CIP2A: variants seen among roughly 807,000 people sequenced by gnomAD.
CIP2A encodes cellular inhibitor of PP2A, also known as protein CIP2A.
A neutral mutation model predicts 110.9 loss-of-function variants in CIP2A; 103 were observed. The ratio of observed to expected loss-of-function variants is 0.93; its 90% CI spans 0.79 to 1.09. The LOEUF (loss-of-function observed/expected upper bound fraction) is 1.09. Among genes scored for constraint, CIP2A ranks in the 50% least tolerant of loss-of-function variants. CIP2A has a pLI of 0.00. For missense variants in CIP2A, 1,088 were observed against 1,038.4 expected, an observed-to-expected ratio of 1.05 and a Z score of -0.66; for synonymous variants, 381 against 361.6, an observed-to-expected ratio of 1.05 and a Z score of -0.61.
rs1330351108 is a variant in CIP2A, at chr3:108,563,109, A to G, written c.1634+17T>C. On this transcript the variant is annotated intron_variant, in intron 13 of 20. Transcript: ENST00000295746. ...TCCAACACCACAAGAGATACACTGCAAATGATTACAACTCACACTAAAGCA... is the reference window on the plus strand; with the variant it reads ...TCCAACACCACAAGAGATACACTGCGAATGATTACAACTCACACTAAAGCA... 2.7e-6 allele frequency: 4 copies of G among 1,499,186 alleles called. No homozygotes were observed. Among genetic ancestry groups the G allele is most frequent in the Non-Finnish European group, 3.7e-6 (4 of 1,075,596 alleles). The allele number at this position is 1,499,186 out of a possible 1,614,324, so 92.9% of individuals were successfully genotyped here. A position where few individuals can be genotyped will look rare whatever the true frequency, so the allele number is the denominator to read the frequency against.
intron 1 of CIP2A, among the ~76,000 whole-genome samples, chr3:108,587,785 TTTTTG>T (rs1464746508): frequency 1.6e-4 from 25 of 152,270 alleles, no homozygotes; most frequent in Admixed American, 3.9e-4. Context: ...TCTCTCTTTT[TTTTTG>T]TTTTGTTTTT....
In CIP2A at chr3:108,569,419, TAA is replaced by T; in HGVS notation, c.1081_1082del (p.Leu361SerfsTer10). The part of the protein sequence containing the change: ...PLDGSENCSV[L>X]ALELFKEIFE... ...ATATTTCCTTGAACAACTCCAATGC[TAA>T]AACAGAACAGTTTTCTGATCCGTCC... is the stretch of plus-strand genomic sequence containing the variant. On this transcript the variant is annotated frameshift_variant, in exon 9 of 21. Coordinates refer to ENST00000295746, the MANE Select transcript of CIP2A (RefSeq NM_020890.3). LOFTEE classifies it high-confidence loss of function. 6.2e-7 allele frequency: 1 copy of T among 1,612,458 alleles called. No individual in the cohort carries two copies. Among genetic ancestry groups the T allele is most frequent in the Admixed American group, 1.7e-5 (1 of 59,790 alleles).
intron 14 of CIP2A, 100 bp from the exon 15 acceptor site, chr3:108,560,128 G>T: frequency 1.5e-6 from 1 of 662,734 alleles, no homozygotes; most frequent in African/African-American, 1.9e-5. Flanking sequence ...AAAACTTAAT[G>T]ATGAGTAACA....
At chr3:108,571,795 G>A (rs943651871) in intron 8 of CIP2A, among the ~76,000 whole-genome samples, 46 of 152,056 alleles carry the variant, frequency 3.0e-4, no homozygotes, top group Admixed American at 2.9e-3. Context: ...TTTCTGGGTC[G>A]TAGTTTATAC....
chr3:108,559,464 A>G (rs1013710036), intron 16 of CIP2A, among the ~76,000 whole-genome samples: 6 of 152,154 alleles, frequency 3.9e-5, no homozygotes, highest in Non-Finnish European at 4.4e-5. Flanking sequence ...GTAACCATTG[A>G]AACCACAGAA....
At position 108,551,172 on chromosome 3, in the gene CIP2A, C is replaced by G; in HGVS notation, c.2695G>C (p.Glu899Gln). ...HSLSGGKINP[E>Q]TVNLSI ...GTCTATATACTGAGATTCACAGTTTCTGGATTTATTTTTCCACCACTTAAA... is the reference window on the plus strand; with the variant it reads ...GTCTATATACTGAGATTCACAGTTTGTGGATTTATTTTTCCACCACTTAAA... Residue 899 changes from glutamate to glutamine, a missense_variant, in exon 21 of 21, where the codon GAA becomes CAA. Coordinates refer to ENST00000295746, the MANE Select transcript of CIP2A (RefSeq NM_020890.3). 1 of 1,521,474 alleles carries G rather than the reference C, an allele frequency of 6.6e-7. No individual in the cohort carries two copies. 94.2% of individuals were successfully genotyped at this position (1,521,474 alleles called of 1,614,324 possible). A position where few individuals can be genotyped will look rare whatever the true frequency, so the allele number is the denominator to read the frequency against.
intron 8 of CIP2A, chr3:108,575,138 C>CT (rs1367896151): frequency 6.6e-6 from 1 of 151,980 alleles, no homozygotes; most frequent in Non-Finnish European, 1.5e-5. Flanking sequence ...AAGAATCAAT[C>CT]TAACAATCTA....
chr3:108,573,422 C>T (rs559806557), intron 8 of CIP2A, among the ~76,000 whole-genome samples: 2 of 151,712 alleles, frequency 1.3e-5, no homozygotes, highest in South Asian at 4.2e-4. Flanking sequence ...TTATTTTTTA[C>T]TTTAAAAAAT....
rs964478441 is a variant in CIP2A, at chr3:108,579,705, T to G, written c.550-17A>C. ...CACATTACTCTGAGGAAAAAAAAGTTAAAAAATAAATTAGAATTATAAATT... is the reference window on the plus strand; with the variant it reads ...CACATTACTCTGAGGAAAAAAAAGTGAAAAAATAAATTAGAATTATAAATT... On this transcript the variant is annotated splice_polypyrimidine_tract_variant and intron_variant, in intron 5 of 20. Transcript: ENST00000295746. The G allele has an allele frequency of 1.5e-5, 22 of 1,475,532 alleles. No homozygotes were observed. Among genetic ancestry groups the G allele is most frequent in the Non-Finnish European group, 2.0e-5 (22 of 1,097,886 alleles). The allele number at this position is 1,475,532 out of a possible 1,614,324, so 91.4% of individuals were successfully genotyped here.
chr3:108,579,785 A>G, intron 5 of CIP2A, 97 bp from the exon 6 acceptor site: 1 of 575,320 alleles, frequency 1.7e-6, no homozygotes, highest in Non-Finnish European at 2.8e-6. Flanking sequence ...CTTTTATTAA[A>G]CATCATTATC....
intron 5 of CIP2A, 146 bp downstream of exon 5, chr3:108,581,269 A>C: frequency 1.6e-6 from 1 of 613,840 alleles, no homozygotes. Flanking sequence ...TTTGTATGTC[A>C]ATCTGACTCT....
rs759156161 is a variant in CIP2A at position 108,585,084 on chromosome 3, G to C, written c.231C>G (p.Ile77Met). 3 of 1,611,562 alleles carry C rather than the reference G, an allele frequency of 1.9e-6. No homozygotes were observed. The highest frequency in any genetic ancestry group is 8.5e-7 in the Non-Finnish European group (1 of 1,178,988). ...CATTACCTAGTTGAGACAGCAAACCGATAATACTTAAGATCAGTGAAGCAC... is the reference window on the plus strand; with the variant it reads ...CATTACCTAGTTGAGACAGCAAACCCATAATACTTAAGATCAGTGAAGCAC... ...NISASLILSI[I>M]GLLSQLAVDI... Residue 77 changes from isoleucine (I) to methionine (M), a missense_variant, in exon 2 of 21, where the codon ATC becomes ATG. Physicochemically the swap from Ile to Met is conservative, Grantham distance 10. Coordinates refer to ENST00000295746, the MANE Select transcript of CIP2A (RefSeq NM_020890.3).
intron 9 of CIP2A, among the ~76,000 whole-genome samples, chr3:108,569,179 T>TATATATATATATATATATAC (rs1271625941): frequency 1.4e-5 from 1 of 72,084 alleles, no homozygotes; most frequent in African/African-American, 4.1e-5. Context: ...TATATATATA[T>TATATATATATATATATATAC]ATACATACAC....
intron 10 of CIP2A, 41 bp downstream of exon 10, chr3:108,568,114 G>A: frequency 1.4e-6 from 2 of 1,480,650 alleles, no homozygotes; most frequent in Non-Finnish European, 1.8e-6. Context: ...AAAAAGAATG[G>A]TTAGTTATAC....
rs969256473 is a variant in CIP2A at position 108,581,300 on chromosome 3, A to C, written c.549+115T>G. On this transcript the variant is annotated intron_variant, in intron 5 of 20. Coordinates refer to ENST00000295746, the MANE Select transcript of CIP2A (RefSeq NM_020890.3). ...ACTCTTAATTTTGATGGGTCATCCG[A>C]TAAGACACAGAATCCTTGTTCAAAT... 8.0e-5 allele frequency: 58 copies of C among 722,970 alleles called. 1 individual carries two copies. The highest frequency in any genetic ancestry group is 3.7e-4 in the Middle Eastern group (1 of 2,736). The allele number at this position is 722,970 out of a possible 1,614,324, so 44.8% of individuals were successfully genotyped here.
chr3:108,554,036 C>T (rs1473257043), intron 18 of CIP2A, among the ~76,000 whole-genome samples: 1 of 150,846 alleles, frequency 6.6e-6, no homozygotes, highest in African/African-American at 2.4e-5. Context: ...GCGGAGATTA[C>T]AGGCACCCGC....
Position 108,551,002 on chromosome 3 carries a change from C to A in CIP2A, c.*147G>T. The A allele has an allele frequency of 2.7e-6, 1 of 372,588 alleles. No homozygotes were observed. The highest frequency in any genetic ancestry group is 4.6e-6 in the Non-Finnish European group (1 of 217,612). The allele number at this position is 372,588 out of a possible 1,614,324, so 23.1% of individuals were successfully genotyped here. On this transcript the variant is annotated 3_prime_UTR_variant, in exon 21 of 21. Transcript: ENST00000295746. ...TCTATTCAAACTATCAAATAAAAAA[C>A]ATGCAACAGATCAGGGTCTTTACTA...
At chr3:108,563,293 G>T in intron 12 of CIP2A, 49 bp from the exon 13 acceptor site, 1 of 1,106,206 alleles carries the variant, frequency 9.0e-7, no homozygotes. Flanking sequence ...AATAAACAAT[G>T]TCAGCTCTTT....
intron 1 of CIP2A, among the ~76,000 whole-genome samples, chr3:108,588,626 G>A (rs1318428790): frequency 6.6e-6 from 1 of 152,054 alleles, no homozygotes; most frequent in African/African-American, 2.4e-5. Context: ...TTTGAATTCC[G>A]TAAATGCAAA....
Sources: allele counts gnomAD v4.1 joint callset (sites outside exome capture counted in the v4.1 genomes callset), GRCh38; gene constraint gnomAD v4.1.1; transcripts MANE v1.5; gene names NCBI Gene and HGNC (gene_info 2026-07-23, HGNC 2026-07-21).